The following HTR1E variants were observed in gnomAD, a reference collection of about 807,000 sequenced individuals.
HTR1E encodes 5-HT-1E.
In HTR1E, 3 loss-of-function variants were observed where a neutral mutation model predicts 3.4. That is an observed-to-expected ratio of 0.89 (90% CI 0.41 to 2.31). The LOEUF is 2.31. Among genes scored for constraint, HTR1E ranks in the 30% most tolerant of loss-of-function variants. The probability of loss-of-function intolerance (pLI) is 0.05; values close to 1 mark genes in which losing one functional copy is unlikely to be tolerated. For missense variants in HTR1E, 392 were observed against 467.0 expected (o/e 0.84, Z 1.48); for synonymous variants, 170 against 182.8 (o/e 0.93, Z 0.56).
chr6:86,959,907 T>C (rs1263971743), intron 1 of HTR1E, among the ~76,000 whole-genome samples: 1 of 152,174 alleles, frequency 6.6e-6, no homozygotes, highest in African/African-American at 2.4e-5. Flanking sequence ...CAGCTGTGTC[T>C]GTAGGGACAC....
At chr6:86,994,186 A>C (rs1200741499) in intron 1 of HTR1E, among the ~76,000 whole-genome samples, 2 of 152,204 alleles carry the variant, frequency 1.3e-5, no homozygotes, top group Admixed American at 1.3e-4. Flanking sequence ...GAGTCTCATA[A>C]GGGAGAAAGA....
chr6:87,016,276 G>A lies in HTR1E; in HGVS notation c.942G>A (p.Val314=). 6.2e-7 allele frequency: 1 copy of A among 1,614,134 alleles called. No individual in the cohort carries two copies. Among genetic ancestry groups the A allele is most frequent in the Non-Finnish European group, 8.5e-7 (1 of 1,180,024 alleles). ...WLPFFIKELI[V]GLSIYTVSSE... ...CATTTTTCATCAAAGAGTTGATTGT[G>A]GGTCTGAGCATCTACACCGTGTCCT... Residue 314 remains valine (V), a synonymous_variant, in exon 2 of 2, where the codon GTG becomes GTA. Coordinates refer to ENST00000305344, the MANE Select transcript of HTR1E (RefSeq NM_000865.3).
chr6:86,989,354 A>G (rs1013578855), intron 1 of HTR1E, among the ~76,000 whole-genome samples: 1 of 152,208 alleles, frequency 6.6e-6, no homozygotes, highest in Non-Finnish European at 1.5e-5. Flanking sequence ...TGGTCTTGGA[A>G]GATGTTTTCT....
At chr6:86,964,357 A>G (rs1160664757) in intron 1 of HTR1E, among the ~76,000 whole-genome samples, 1 of 152,222 alleles carries the variant, frequency 6.6e-6, no homozygotes, top group Non-Finnish European at 1.5e-5. Flanking sequence ...GCATAGTTTT[A>G]TGTTGTGGCT....
At chr6:86,970,323 C>A (rs1297515904) in intron 1 of HTR1E, 7 of 152,228 alleles carry the variant, frequency 4.6e-5, no homozygotes, top group Non-Finnish European at 8.8e-5. Flanking sequence ...ACTGAGTTGA[C>A]TGATGGCAGA....
At chr6:86,979,395 T>G (rs543997071) in intron 1 of HTR1E, among the ~76,000 whole-genome samples, 40 of 152,224 alleles carry the variant, frequency 2.6e-4, no homozygotes, top group Non-Finnish European at 5.3e-4. Context: ...CAAAAACTAT[T>G]TCTGAAGGCC....
At chr6:86,955,195 C>A (rs1451477983) in intron 1 of HTR1E, among the ~76,000 whole-genome samples, 1 of 152,216 alleles carries the variant, frequency 6.6e-6, no homozygotes, top group African/African-American at 2.4e-5. Flanking sequence ...TGCAGATTAT[C>A]TTCCCATTTG....
chr6:87,016,605 A>G lies in HTR1E; in HGVS notation c.*173A>G. 2 of 546,294 alleles carry G rather than the reference A, an allele frequency of 3.7e-6. No homozygotes were observed. The highest frequency in any genetic ancestry group is 6.3e-6 in the Non-Finnish European group (2 of 318,868). 33.8% of individuals were successfully genotyped at this position (546,294 alleles called of 1,614,324 possible). A position where few individuals can be genotyped will look rare whatever the true frequency, so the allele number is the denominator to read the frequency against. On this transcript the variant is annotated 3_prime_UTR_variant, in exon 2 of 2. Coordinates refer to ENST00000305344, the MANE Select transcript of HTR1E (RefSeq NM_000865.3). The stretch of plus-strand genomic sequence containing the variant: ...TGTTCTGTTTTGTTTGAGGATTGTT[A>G]TTTGGCGTGCTGTTTTCTACCTCTG...
rs1768516025 is a variant in HTR1E, at chr6:86,939,426, T to C, written c.-186+1603T>C. ...AACTCACTCAAATCCTGATTCATCA[T>C]TGTTGATAGAACTTAACTATTGTGT... On this transcript the variant is annotated intron_variant, in intron 1 of 1. Coordinates refer to ENST00000305344, the MANE Select transcript of HTR1E (RefSeq NM_000865.3). 2.6e-5 allele frequency among the ~76,000 whole-genome samples: 4 copies of C among 152,238 alleles called. No individual in the cohort carries two copies. The South Asian group carries it at 8.3e-4, about 32-fold the overall frequency.
chr6:86,938,867 A>G (rs1768507709), intron 1 of HTR1E, among the ~76,000 whole-genome samples: 1 of 152,184 alleles, frequency 6.6e-6, no homozygotes, highest in Non-Finnish European at 1.5e-5. Context: ...TGAATTTAAC[A>G]TTGCTCCAGA....
chr6:86,960,336 A>G (rs1767387574), intron 1 of HTR1E, among the ~76,000 whole-genome samples: 1 of 152,310 alleles, frequency 6.6e-6, no homozygotes, highest in African/African-American at 2.4e-5. Flanking sequence ...TTATACTGAC[A>G]TTAATCCATT....
intron 1 of HTR1E, among the ~76,000 whole-genome samples, chr6:86,963,307 C>G (rs1015802482): frequency 6.6e-6 from 1 of 152,028 alleles, no homozygotes; most frequent in Non-Finnish European, 1.5e-5. Context: ...CACCACTGCA[C>G]CTGGCTAACT....
chr6:86,941,163 G>A (rs1198963810), intron 1 of HTR1E, among the ~76,000 whole-genome samples: 2 of 152,188 alleles, frequency 1.3e-5, no homozygotes. Context: ...ACTTACCAAA[G>A]TTCATCTTCC....
At chr6:86,986,707 T>C (rs1767793529) in intron 1 of HTR1E, among the ~76,000 whole-genome samples, 1 of 152,200 alleles carries the variant, frequency 6.6e-6, no homozygotes, top group Non-Finnish European at 1.5e-5. Flanking sequence ...AAAATAAATA[T>C]AATCCTATAA....
intron 1 of HTR1E, among the ~76,000 whole-genome samples, chr6:87,005,514 C>A (rs981204720): frequency 1.3e-5 from 2 of 152,050 alleles, no homozygotes; most frequent in African/African-American, 4.8e-5. Context: ...ATAAATGCTG[C>A]CGGGAGAACT....
At chr6:86,973,319 TG>T in intron 1 of HTR1E, among the ~76,000 whole-genome samples, 1 of 151,846 alleles carries the variant, frequency 6.6e-6, no homozygotes. Flanking sequence ...TGTGTGTGTG[TG>T]TGTGTGTGTG....
At chr6:87,007,068 C>T (rs968914132) in intron 1 of HTR1E, among the ~76,000 whole-genome samples, 4 of 151,998 alleles carry the variant, frequency 2.6e-5, no homozygotes, top group African/African-American at 9.7e-5. Flanking sequence ...TGCACATGTA[C>T]CCTGGAACTT....
intron 1 of HTR1E, among the ~76,000 whole-genome samples, chr6:86,951,239 A>G (rs72912460): frequency 0.047 from 7,167 of 152,186 alleles, 225 homozygotes; most frequent in African/African-American, 0.07. Context: ...GGCGGGATGC[A>G]TTATTTGGTT....
intron 1 of HTR1E, among the ~76,000 whole-genome samples, chr6:87,013,284 A>G (rs145213754): frequency 1.3e-5 from 2 of 152,332 alleles, no homozygotes; most frequent in African/African-American, 4.8e-5. Context: ...GCTCTAGAGT[A>G]TCCCTGGAAA....
Sources: gnomAD v4.1 joint callset for allele counts (sites outside exome capture counted in the v4.1 genomes callset) on GRCh38, gnomAD v4.1.1 for gene constraint, MANE v1.5 for transcripts, NCBI Gene and HGNC (gene_info 2026-07-23, HGNC 2026-07-21) for gene names.